The following LAMA2 variants were observed in gnomAD, a reference collection of about 807,000 sequenced individuals.
The protein encoded by LAMA2 is laminin subunit alpha-2.
A neutral mutation model predicts 364.8 loss-of-function variants in LAMA2; 269 were observed. The observed-to-expected ratio is 0.74, with a 90% confidence interval of 0.67 to 0.82. The LOEUF (loss-of-function observed/expected upper bound fraction) is 0.82, where lower values mean the gene tolerates loss of function less well. Among genes scored for constraint, LAMA2 ranks in the 40% least tolerant of loss-of-function variants. LAMA2 has a pLI of 0.00. For missense variants in LAMA2, 3,807 were observed against 3,873.2 expected (o/e 0.98, Z 0.45); for synonymous variants, 1,379 against 1,370.6 (o/e 1.01, Z -0.14).
chr6:128,965,979 G>A (rs962315944), intron 1 of LAMA2, among the ~76,000 whole-genome samples: 1 of 112,796 alleles, frequency 8.9e-6, no homozygotes, highest in Admixed American at 9.1e-5. Context: ...TAAACCAGAG[G>A]TTTTTTTTTT....
At chr6:129,357,234 A>G (rs991261435) in intron 32 of LAMA2, among the ~76,000 whole-genome samples, 3 of 152,076 alleles carry the variant, frequency 2.0e-5, no homozygotes, top group African/African-American at 7.2e-5. Flanking sequence ...GGATTTGTTC[A>G]TATCCTATTT....
At chr6:129,050,132 A>C (rs1212802219) in intron 2 of LAMA2, 44 bp downstream of exon 2, 1 of 1,600,252 alleles carries the variant, frequency 6.2e-7, no homozygotes, top group Non-Finnish European at 8.6e-7. Context: ...GGTAGGATCT[A>C]TAATTGTGAG....
At chr6:129,353,416 T>G in intron 32 of LAMA2, 59 bp downstream of exon 32, 4 of 1,420,242 alleles carry the variant, frequency 2.8e-6, no homozygotes, top group Non-Finnish European at 4.0e-6. Flanking sequence ...CTGTCTCATT[T>G]CCAATGAGAA....
At chr6:128,942,632 G>C (rs1780227377) in intron 1 of LAMA2, among the ~76,000 whole-genome samples, 1 of 152,114 alleles carries the variant, frequency 6.6e-6, no homozygotes, top group African/African-American at 2.4e-5. Context: ...TTTTCTTCTA[G>C]TTGATGCTTC....
intron 6 of LAMA2, among the ~76,000 whole-genome samples, chr6:129,148,520 G>T (rs1479974357): frequency 6.6e-6 from 1 of 152,078 alleles, no homozygotes; most frequent in African/African-American, 2.4e-5. Context: ...TTCAGAGCAT[G>T]CACAGACAGG....
At position 129,315,463 on chromosome 6, in the gene LAMA2, T is replaced by A. The variant is rs775278003; in HGVS notation, c.3556-13T>A. 7 of 1,613,500 alleles carry A rather than the reference T, an allele frequency of 4.3e-6. No homozygotes were observed. In the East Asian group the frequency reaches 1.1e-4, roughly 26 times the overall value. On this transcript the variant is annotated splice_polypyrimidine_tract_variant and intron_variant, in intron 24 of 64. Transcript: ENST00000421865. ...GTAAATTCAGCCTTCTGCTGTATTT[T>A]GACCCCTTGCAGGTGACTCTGAAGG...
At chr6:129,018,626 T>C (rs950356478) in intron 1 of LAMA2, among the ~76,000 whole-genome samples, 1 of 152,004 alleles carries the variant, frequency 6.6e-6, no homozygotes, top group Non-Finnish European at 1.5e-5. Flanking sequence ...TTCTTGGCTA[T>C]TTCACTGGAT....
chr6:129,310,072 T>C (rs972563669), intron 22 of LAMA2, among the ~76,000 whole-genome samples: 5 of 151,512 alleles, frequency 3.3e-5, no homozygotes, highest in Non-Finnish European at 5.9e-5. Context: ...GCTAATTTTT[T>C]GTATTTTTAG....
intron 49 of LAMA2, among the ~76,000 whole-genome samples, chr6:129,460,631 C>T (rs1313703663): frequency 3.3e-5 from 5 of 151,836 alleles, no homozygotes; most frequent in African/African-American, 7.3e-5. Context: ...TCTTTCATGT[C>T]GAGGGGTTTT....
At chr6:129,355,228 CACTT>C (rs1238740713) in intron 32 of LAMA2, among the ~76,000 whole-genome samples, 1 of 152,008 alleles carries the variant, frequency 6.6e-6, no homozygotes, top group Non-Finnish European at 1.5e-5. Context: ...TAGTGATTTC[CACTT>C]ACTTCTAGGA....
chr6:129,168,504 G>A (rs1435979738), intron 9 of LAMA2, among the ~76,000 whole-genome samples: 72 of 152,060 alleles, frequency 4.7e-4, no homozygotes, highest in African/African-American at 1.6e-3. Flanking sequence ...TGAGGGCTCT[G>A]TTCTGTTCCA....
chr6:129,021,332 A>G (rs1263259012), intron 1 of LAMA2, among the ~76,000 whole-genome samples: 1 of 152,220 alleles, frequency 6.6e-6, no homozygotes, highest in Non-Finnish European at 1.5e-5. Flanking sequence ...TTCTTTATAC[A>G]AAAGTTAAAA....
intron 1 of LAMA2, among the ~76,000 whole-genome samples, chr6:128,911,209 G>A (rs1200213503): frequency 1.3e-5 from 2 of 152,116 alleles, no homozygotes; most frequent in African/African-American, 4.8e-5. Flanking sequence ...ATCAAGCCTG[G>A]GCAATGGCAG....
At chr6:129,399,168 A>T (rs1024536791) in intron 37 of LAMA2, among the ~76,000 whole-genome samples, 55 of 152,320 alleles carry the variant, frequency 3.6e-4, no homozygotes, top group African/African-American at 1.3e-3. Flanking sequence ...CAATCTATAT[A>T]AAAAAGAAAA....
intron 13 of LAMA2, among the ~76,000 whole-genome samples, 174 bp downstream of exon 13, chr6:129,250,387 G>T (rs938683799): frequency 6.6e-6 from 1 of 152,104 alleles, no homozygotes; most frequent in African/African-American, 2.4e-5. Context: ...ATATCTAGAA[G>T]ATTGAGTATA....
chr6:129,113,956 C>T (rs566465109), intron 4 of LAMA2, among the ~76,000 whole-genome samples: 43 of 152,032 alleles, frequency 2.8e-4, no homozygotes, highest in African/African-American at 9.2e-4. Context: ...AACTTCCTTT[C>T]GTTGAAAATA....
chr6:129,307,642 A>G (rs36019058), intron 22 of LAMA2, among the ~76,000 whole-genome samples: 3,089 of 152,286 alleles, frequency 0.02, 45 homozygotes, highest in Non-Finnish European at 0.026. Flanking sequence ...TCTAAAAACA[A>G]TTGTTTCTTG....
At chr6:129,356,323 C>T (rs1777150839) in intron 32 of LAMA2, among the ~76,000 whole-genome samples, 1 of 152,110 alleles carries the variant, frequency 6.6e-6, no homozygotes, top group East Asian at 1.9e-4. Context: ...GCAATTTATT[C>T]ACCTTCAAAT....
intron 4 of LAMA2, among the ~76,000 whole-genome samples, chr6:129,129,613 C>T (rs1303873440): frequency 1.3e-5 from 2 of 152,162 alleles, no homozygotes; most frequent in Non-Finnish European, 2.9e-5. Flanking sequence ...GAGAATAAGG[C>T]ATATTTTATC....
Sources: gnomAD v4.1 joint callset for allele counts (sites outside exome capture counted in the v4.1 genomes callset) on GRCh38, gnomAD v4.1.1 for gene constraint, MANE v1.5 for transcripts, NCBI Gene and HGNC (gene_info 2026-07-23, HGNC 2026-07-21) for gene names.